TCF4: variants seen among roughly 807,000 people sequenced by gnomAD.
TCF4 encodes SL3-3 enhancer factor 2.
Under a neutral mutation model 82.1 loss-of-function variants are expected in TCF4, and 3 were observed. The ratio of observed to expected loss-of-function variants is 0.04; its 90% CI spans 0.02 to 0.09. The LOEUF is 0.09. Among genes scored for constraint, TCF4 ranks in the 10% least tolerant of loss-of-function variants. The pLI is 1.00. For synonymous variants in TCF4, 276 were observed against 309.6 expected, an observed-to-expected ratio of 0.89 and a Z score of 1.14; for missense variants, 518 against 852.7, an observed-to-expected ratio of 0.61 and a Z score of 4.89.
chr18:55,584,473 TA>T (rs996089010), intron 3 of TCF4, among the ~76,000 whole-genome samples: 29 of 152,034 alleles, frequency 1.9e-4, no homozygotes, highest in African/African-American at 4.6e-4. Context: ...TTCATTGGAT[TA>T]AAAAAAATAC....
intron 3 of TCF4, among the ~76,000 whole-genome samples, chr18:55,479,947 A>C (rs2145501094): frequency 6.6e-6 from 1 of 152,256 alleles, no homozygotes; most frequent in East Asian, 1.9e-4. Context: ...CTGGTCTTTG[A>C]ACTATCCTTC....
chr18:55,282,310 T>G (rs2062784350), intron 8 of TCF4, among the ~76,000 whole-genome samples: 1 of 152,056 alleles, frequency 6.6e-6, no homozygotes, highest in Non-Finnish European at 1.5e-5. Context: ...ATCACTCTTA[T>G]TTTTCACCAT....
chr18:55,519,299 T>G (rs956596596), intron 3 of TCF4, among the ~76,000 whole-genome samples: 1 of 151,976 alleles, frequency 6.6e-6, no homozygotes, highest in Non-Finnish European at 1.5e-5. Flanking sequence ...CCATGCATGG[T>G]GGCCCACACC....
At chr18:55,461,954 A>T (rs1427179937) in intron 4 of TCF4, among the ~76,000 whole-genome samples, 1 of 152,162 alleles carries the variant, frequency 6.6e-6, no homozygotes, top group Non-Finnish European at 1.5e-5. Context: ...TCAGTCTACT[A>T]AAGTGCATAA....
intron 3 of TCF4, among the ~76,000 whole-genome samples, chr18:55,561,612 T>C (rs1452158367): frequency 6.6e-6 from 1 of 152,238 alleles, no homozygotes. Flanking sequence ...AAGAATCTAA[T>C]CTATTCCTTA....
chr18:55,238,996 C>A (rs539252204), intron 15 of TCF4, among the ~76,000 whole-genome samples: 2 of 152,138 alleles, frequency 1.3e-5, no homozygotes, highest in Non-Finnish European at 2.9e-5. Flanking sequence ...CAAACACAGG[C>A]GGCTTGGCCT....
At chr18:55,329,369 C>G (rs1034833960) in intron 8 of TCF4, among the ~76,000 whole-genome samples, 3 of 152,060 alleles carry the variant, frequency 2.0e-5, no homozygotes, top group Admixed American at 2.0e-4. Context: ...AACACAGACA[C>G]GACCAGGAAG....
At chr18:55,542,935 A>G (rs1182502100) in intron 3 of TCF4, among the ~76,000 whole-genome samples, 2 of 152,086 alleles carry the variant, frequency 1.3e-5, no homozygotes, top group African/African-American at 4.8e-5. Flanking sequence ...TCTGTTGATG[A>G]TATGGAAAAC....
intron 2 of TCF4, among the ~76,000 whole-genome samples, chr18:55,615,861 G>A (rs1249208997): frequency 6.6e-6 from 1 of 152,082 alleles, no homozygotes; most frequent in Non-Finnish European, 1.5e-5. Context: ...ACTGGATCAT[G>A]ATATATTGTC....
chr18:55,573,839 G>A (rs891016649), intron 3 of TCF4, among the ~76,000 whole-genome samples: 1 of 152,182 alleles, frequency 6.6e-6, no homozygotes, highest in African/African-American at 2.4e-5. Context: ...AAACATGCCT[G>A]TCTTGCTCAT....
intron 5 of TCF4, among the ~76,000 whole-genome samples, chr18:55,444,544 C>A (rs1045386539): frequency 6.6e-6 from 1 of 152,164 alleles, no homozygotes; most frequent in Admixed American, 6.5e-5. Context: ...AGAGACAATA[C>A]ACAATACTAG....
chr18:55,604,446 G>C (rs539082855), intron 2 of TCF4, among the ~76,000 whole-genome samples: 3 of 152,138 alleles, frequency 2.0e-5, no homozygotes, highest in Non-Finnish European at 2.9e-5. Flanking sequence ...GAAAGTTACG[G>C]AAGGGTTAAG....
intron 3 of TCF4, among the ~76,000 whole-genome samples, chr18:55,577,160 A>G (rs1354366465): frequency 6.9e-6 from 1 of 144,814 alleles, no homozygotes; most frequent in Non-Finnish European, 1.5e-5. Context: ...TTATATATGT[A>G]TATATACATT....
At chr18:55,510,748 T>C (rs2096819020) in intron 3 of TCF4, 2 of 1,333,146 alleles carry the variant, frequency 1.5e-6, no homozygotes, top group Non-Finnish European at 1.9e-6. Flanking sequence ...CTGTGCTCCA[T>C]GGAAACAGAA....
chr18:55,278,310 A>C (rs963535853), intron 9 of TCF4, among the ~76,000 whole-genome samples: 3 of 152,160 alleles, frequency 2.0e-5, no homozygotes, highest in African/African-American at 7.2e-5. Context: ...CCCGTAGACA[A>C]GGCTTATACA....
chr18:55,613,012 T>C (rs1476702689), intron 2 of TCF4, among the ~76,000 whole-genome samples: 1 of 152,158 alleles, frequency 6.6e-6, no homozygotes, highest in Non-Finnish European at 1.5e-5. Context: ...ACCCCAATAG[T>C]GTACTTTGTA....
chr18:55,245,617 C>T (rs950586660), intron 15 of TCF4, among the ~76,000 whole-genome samples: 1 of 152,196 alleles, frequency 6.6e-6, no homozygotes, highest in Non-Finnish European at 1.5e-5. Flanking sequence ...AGTTTTCTTA[C>T]TTCCATTTAG....
intron 3 of TCF4, among the ~76,000 whole-genome samples, chr18:55,558,871 T>C (rs556370301): frequency 6.6e-6 from 1 of 152,154 alleles, no homozygotes; most frequent in African/African-American, 2.4e-5. Flanking sequence ...CTTTCCTAGA[T>C]GGGGAGATTG....
intron 8 of TCF4, among the ~76,000 whole-genome samples, chr18:55,280,959 G>A (rs544393221): frequency 2.6e-5 from 4 of 151,948 alleles, no homozygotes; most frequent in African/African-American, 9.6e-5. Context: ...TGCTACACAT[G>A]CCCCAAAGTG....
Sources: allele counts gnomAD v4.1 joint callset (sites outside exome capture counted in the v4.1 genomes callset), GRCh38; gene constraint gnomAD v4.1.1; transcripts MANE v1.5; gene names NCBI Gene and HGNC (gene_info 2026-07-23, HGNC 2026-07-21).